The following KCNIP4 variants were observed in gnomAD, a reference collection of about 807,000 sequenced individuals.
The protein encoded by KCNIP4 is potassium voltage-gated channel interacting protein 4.
Under a neutral mutation model 34.0 loss-of-function variants are expected in KCNIP4, and 12 were observed. The ratio of observed to expected loss-of-function variants is 0.35; its 90% CI spans 0.23 to 0.57. The LOEUF is 0.57. Ranked by LOEUF, KCNIP4 falls within the 20% of genes least tolerant of loss-of-function variation. The pLI, the probability that KCNIP4 is intolerant of heterozygous loss-of-function variation, is 0.83. For synonymous variants in KCNIP4, 124 were observed against 102.2 expected, an observed-to-expected ratio of 1.21 and a Z score of -1.29; for missense variants, 238 against 311.7, an observed-to-expected ratio of 0.76 and a Z score of 1.78.
At chr4:20,789,997 G>A (rs932439981) in intron 3 of KCNIP4, among the ~76,000 whole-genome samples, 2 of 152,012 alleles carry the variant, frequency 1.3e-5, no homozygotes, top group Non-Finnish European at 2.9e-5. Context: ...CTGAGAAATA[G>A]GTCATTAGGT....
intron 1 of KCNIP4, among the ~76,000 whole-genome samples, chr4:20,990,945 GAC>G (rs1577497135): frequency 6.6e-6 from 1 of 152,138 alleles, no homozygotes; most frequent in Non-Finnish European, 1.5e-5. Flanking sequence ...CCTACCACGT[GAC>G]ACACAGTGTG....
intron 1 of KCNIP4, among the ~76,000 whole-genome samples, chr4:21,322,864 T>C (rs1158220292): frequency 6.6e-6 from 1 of 152,078 alleles, no homozygotes; most frequent in Non-Finnish European, 1.5e-5. Context: ...TAACCAGAAA[T>C]AGAATTCTAG....
At chr4:21,075,117 G>A (rs375139240) in intron 1 of KCNIP4, among the ~76,000 whole-genome samples, 1 of 152,194 alleles carries the variant, frequency 6.6e-6, no homozygotes, top group Non-Finnish European at 1.5e-5. Context: ...ATATTCTGTT[G>A]ATTTGGGGTG....
intron 3 of KCNIP4, among the ~76,000 whole-genome samples, chr4:20,844,989 T>C (rs1364235935): frequency 2.6e-5 from 4 of 152,158 alleles, no homozygotes; most frequent in Non-Finnish European, 5.9e-5. Context: ...TTAACTGCAT[T>C]TGAGATGTGA....
intron 1 of KCNIP4, among the ~76,000 whole-genome samples, chr4:21,378,007 A>G: frequency 6.7e-6 from 1 of 148,236 alleles, no homozygotes; most frequent in East Asian, 2.0e-4. Context: ...TTTGCACTAA[A>G]CCAATTTCAT....
chr4:21,500,093 A>G (rs1733189781), intron 1 of KCNIP4, among the ~76,000 whole-genome samples: 1 of 152,202 alleles, frequency 6.6e-6, no homozygotes, highest in Non-Finnish European at 1.5e-5. Flanking sequence ...AAATCCTTTT[A>G]TGAAGCCCAA....
chr4:20,989,545 G>C (rs1023846227), intron 1 of KCNIP4, among the ~76,000 whole-genome samples: 10 of 152,188 alleles, frequency 6.6e-5, no homozygotes, highest in Admixed American at 1.3e-4. Flanking sequence ...TAGAAGCTAA[G>C]AGAAGCAAGC....
chr4:21,059,497 A>T (rs574187663), intron 1 of KCNIP4, among the ~76,000 whole-genome samples: 1 of 152,270 alleles, frequency 6.6e-6, no homozygotes, highest in East Asian at 1.9e-4. Flanking sequence ...CTGACAGTCT[A>T]TTCTAGGACC....
At chr4:21,573,992 G>C (rs1740545777) in intron 1 of KCNIP4, among the ~76,000 whole-genome samples, 1 of 152,076 alleles carries the variant, frequency 6.6e-6, no homozygotes, top group African/African-American at 2.4e-5. Flanking sequence ...TTCAAAATGG[G>C]TGTCAACGGC....
intron 3 of KCNIP4, among the ~76,000 whole-genome samples, chr4:20,821,668 G>T (rs1219844678): frequency 2.6e-5 from 4 of 151,612 alleles, no homozygotes; most frequent in Non-Finnish European, 4.4e-5. Flanking sequence ...AAAGTCCATT[G>T]TATCACTCTT....
At chr4:21,355,962 G>C (rs1021622642) in intron 1 of KCNIP4, among the ~76,000 whole-genome samples, 2 of 152,118 alleles carry the variant, frequency 1.3e-5, no homozygotes, top group Admixed American at 1.3e-4. Context: ...CCATGATCAA[G>C]TGGGCTTCAT....
chr4:20,730,228 A>C, intron 8 of KCNIP4, 99 bp from the exon 9 acceptor site: 8 of 1,396,244 alleles, frequency 5.7e-6, no homozygotes, highest in East Asian at 2.5e-5. Flanking sequence ...CAACCACCTC[A>C]ACCACCTATG....
intron 3 of KCNIP4, among the ~76,000 whole-genome samples, chr4:20,799,413 T>A (rs557583665): frequency 6.6e-6 from 1 of 152,134 alleles, no homozygotes; most frequent in Non-Finnish European, 1.5e-5. Context: ...CTAACCCACA[T>A]AGCCATGCTT....
chr4:21,784,646 T>G (rs1204687785), intron 1 of KCNIP4, among the ~76,000 whole-genome samples: 1 of 152,182 alleles, frequency 6.6e-6, no homozygotes, highest in Non-Finnish European at 1.5e-5. Context: ...GGTGTTATCA[T>G]GAAGCCAAAC....
chr4:21,419,525 A>G (rs950941773), intron 1 of KCNIP4, among the ~76,000 whole-genome samples: 1 of 152,194 alleles, frequency 6.6e-6, no homozygotes, highest in Non-Finnish European at 1.5e-5. Context: ...TATCAATTAT[A>G]TTTAATACAG....
chr4:21,806,569 G>A (rs1347008645), intron 1 of KCNIP4, among the ~76,000 whole-genome samples: 1 of 152,116 alleles, frequency 6.6e-6, no homozygotes, highest in East Asian at 1.9e-4. Flanking sequence ...TAAATATGTA[G>A]ACTACCTGTC....
At chr4:21,389,837 A>T (rs1363894466) in intron 1 of KCNIP4, among the ~76,000 whole-genome samples, 1 of 152,126 alleles carries the variant, frequency 6.6e-6, no homozygotes, top group African/African-American at 2.4e-5. Flanking sequence ...TGGCTGGGTC[A>T]AATGGTATTT....
chr4:20,758,655 G>T (rs1485335232), intron 4 of KCNIP4, among the ~76,000 whole-genome samples, 166 bp downstream of exon 4: 1 of 152,100 alleles, frequency 6.6e-6, no homozygotes, highest in African/African-American at 2.4e-5. Flanking sequence ...TTTCTAAGTC[G>T]CTGGCTTTTA....
intron 1 of KCNIP4, among the ~76,000 whole-genome samples, chr4:21,388,310 A>G (rs918081001): frequency 3.3e-5 from 5 of 151,040 alleles, no homozygotes; most frequent in African/African-American, 1.2e-4. Context: ...AAAAAGCCTC[A>G]ACTGTTCCAC....
Sources: allele counts gnomAD v4.1 joint callset (sites outside exome capture counted in the v4.1 genomes callset), GRCh38; gene constraint gnomAD v4.1.1; transcripts MANE v1.5; gene names NCBI Gene and HGNC (gene_info 2026-07-23, HGNC 2026-07-21).